The following WASL variants were observed in gnomAD, a reference collection of about 807,000 sequenced individuals.
WASL encodes WASP like actin nucleation promoting factor.
Under a neutral mutation model 55.5 loss-of-function variants are expected in WASL, and 20 were observed. The ratio of observed to expected loss-of-function variants is 0.36; its 90% CI spans 0.25 to 0.52. The LOEUF (loss-of-function observed/expected upper bound fraction) is 0.52. Among genes scored for constraint, WASL ranks in the 20% least tolerant of loss-of-function variants. WASL has a pLI of 0.92. For synonymous variants in WASL, 249 were observed against 217.6 expected (o/e 1.14, Z -1.27); for missense variants, 504 against 622.5 (o/e 0.81, Z 2.03).
intron 1 of WASL, among the ~76,000 whole-genome samples, chr7:123,734,232 A>G (rs570978856): frequency 6.6e-6 from 1 of 152,314 alleles, no homozygotes; most frequent in South Asian, 2.1e-4. Flanking sequence ...CATGTGAAAC[A>G]CACAGCTGAT....
chr7:123,695,024 T>A (rs1000204), intron 7 of WASL, among the ~76,000 whole-genome samples, 156 bp from the exon 8 acceptor site: 23 of 151,834 alleles, frequency 1.5e-4, no homozygotes, highest in African/African-American at 5.3e-4. Context: ...TAAAAAAAAC[T>A]GAACAGATAT....
chr7:123,726,349 CCTT>C (rs1804039039), intron 1 of WASL, among the ~76,000 whole-genome samples: 1 of 152,078 alleles, frequency 6.6e-6, no homozygotes, highest in Non-Finnish European at 1.5e-5. Context: ...TCTCATATGA[CCTT>C]TTTTGCACTT....
chr7:123,744,286 G>C (rs1804393930), intron 1 of WASL, among the ~76,000 whole-genome samples: 1 of 152,174 alleles, frequency 6.6e-6, no homozygotes. Context: ...ATGTGCATTA[G>C]AAACTGAAGG....
Position 123,684,234 on chromosome 7 carries a change from A to ATAGT in WASL, c.*281_*284dup, listed in dbSNP as rs1803249392. 6.0e-6 allele frequency: 1 copy of ATAGT among 165,838 alleles called. No individual in the cohort carries two copies. Among genetic ancestry groups the ATAGT allele is most frequent in the South Asian group, 2.0e-4 (1 of 4,998 alleles). 10.3% of individuals were successfully genotyped at this position (165,838 alleles called of 1,614,324 possible). ...ATTAAGGTTTTTGTCAGTCTCACATATAGTATTTAAACTCCCTTGTTGATG... is the reference window on the plus strand; with the variant it reads ...ATTAAGGTTTTTGTCAGTCTCACATATAGTTAGTATTTAAACTCCCTTGTTGATG... On this transcript the variant is annotated 3_prime_UTR_variant, in exon 11 of 11. Coordinates refer to ENST00000223023, the MANE Select transcript of WASL (RefSeq NM_003941.4).
At position 123,709,005 on chromosome 7, in the gene WASL, T is replaced by C. The variant is rs935096327; in HGVS notation, c.252+84A>G. 3.9e-6 allele frequency: 5 copies of C among 1,292,954 alleles called. No homozygotes were observed. In the African/African-American group the frequency reaches 7.6e-5, roughly 20 times the overall value. The allele number at this position is 1,292,954 out of a possible 1,614,324, so 80.1% of individuals were successfully genotyped here. A position where few individuals can be genotyped will look rare whatever the true frequency, so the allele number is the denominator to read the frequency against. Reference sequence around the variant, plus strand: ...TATGTATAAATTTAAATATCACATATAGGATAAACAAATCTAAACTAAATT... The same window carrying C: ...TATGTATAAATTTAAATATCACATACAGGATAAACAAATCTAAACTAAATT... On this transcript the variant is annotated intron_variant, in intron 2 of 10. Transcript: ENST00000223023.
chr7:123,717,491 G>T (rs1803865144), intron 1 of WASL, among the ~76,000 whole-genome samples: 1 of 152,122 alleles, frequency 6.6e-6, no homozygotes, highest in South Asian at 2.1e-4. Context: ...GTCCCTCTTG[G>T]ACCACATGAT....
rs1382524182 is a variant in WASL at position 123,684,517 on chromosome 7, G to A, written c.*2C>T. The A allele has an allele frequency of 1.2e-6, 1 of 812,038 alleles. No homozygotes were observed. The highest frequency in any genetic ancestry group is 2.3e-5 in the Admixed American group (1 of 44,180). The allele number at this position is 812,038 out of a possible 1,614,324, so 50.3% of individuals were successfully genotyped here. A position where few individuals can be genotyped will look rare whatever the true frequency, so the allele number is the denominator to read the frequency against. The stretch of plus-strand genomic sequence containing the variant: ...AATATATATATATATATAATATATA[G>A]ATCAGTCTTCCCACTCATCATCATC... On this transcript the variant is annotated 3_prime_UTR_variant, in exon 11 of 11. Coordinates refer to ENST00000223023, the MANE Select transcript of WASL (RefSeq NM_003941.4).
At chr7:123,715,093 A>G (rs933489667) in intron 1 of WASL, among the ~76,000 whole-genome samples, 1 of 152,230 alleles carries the variant, frequency 6.6e-6, no homozygotes, top group Non-Finnish European at 1.5e-5. Context: ...AGCCACATAC[A>G]GTTTGGAAAC....
intron 9 of WASL, among the ~76,000 whole-genome samples, chr7:123,690,187 T>C (rs1268942359): frequency 6.6e-6 from 1 of 152,148 alleles, no homozygotes; most frequent in Non-Finnish European, 1.5e-5. Context: ...CTTTAAGCAA[T>C]GTGATAATGT....
intron 5 of WASL, among the ~76,000 whole-genome samples, chr7:123,701,955 A>C (rs983902341): frequency 1.3e-5 from 2 of 150,292 alleles, no homozygotes; most frequent in South Asian, 4.2e-4. Context: ...TAAAAAAAAA[A>C]CCCTCCATTT....
intron 5 of WASL, among the ~76,000 whole-genome samples, chr7:123,702,213 G>A (rs976705088): frequency 6.6e-6 from 1 of 151,962 alleles, no homozygotes; most frequent in African/African-American, 2.4e-5. Flanking sequence ...GCGCCACCAT[G>A]CCCAGCTAAT....
chr7:123,739,896 GTGTGTGTGTGTGTGTGTGTATA>G (rs1055578225), intron 1 of WASL, among the ~76,000 whole-genome samples: 7 of 54,976 alleles, frequency 1.3e-4, no homozygotes, highest in South Asian at 7.2e-4. Flanking sequence ...GTGTGTGTGT[GTGTGTGTGTGTGTGTGTGTATA>G]TATATATATA....
At chr7:123,696,425 A>C (rs1347506002) in intron 6 of WASL, among the ~76,000 whole-genome samples, 154 bp downstream of exon 6, 2 of 151,874 alleles carry the variant, frequency 1.3e-5, no homozygotes, top group African/African-American at 4.8e-5. Flanking sequence ...AAAAAAAAAA[A>C]AACTCCAATA....
chr7:123,687,612 T>C (rs1396938131), intron 10 of WASL, among the ~76,000 whole-genome samples: 1 of 152,184 alleles, frequency 6.6e-6, no homozygotes, highest in East Asian at 1.9e-4. Context: ...CTCTCAACAG[T>C]CTGCCCCCTA....
intron 5 of WASL, among the ~76,000 whole-genome samples, chr7:123,698,389 T>C (rs1275773988): frequency 1.3e-5 from 2 of 151,654 alleles, no homozygotes; most frequent in Non-Finnish European, 2.9e-5. Context: ...GTAAATTGTA[T>C]ATACCCTATT....
At chr7:123,740,705 C>A (rs568282316) in intron 1 of WASL, among the ~76,000 whole-genome samples, 34 of 152,232 alleles carry the variant, frequency 2.2e-4, no homozygotes, top group African/African-American at 5.5e-4. Context: ...AAGTGAACCT[C>A]CTGCCTCAGC....
chr7:123,740,996 C>T (rs1804332399), intron 1 of WASL, among the ~76,000 whole-genome samples: 1 of 152,112 alleles, frequency 6.6e-6, no homozygotes, highest in Non-Finnish European at 1.5e-5. Flanking sequence ...ACTTGGATTT[C>T]CTCCCACATC....
chr7:123,694,199 A>G (rs1803457260), intron 8 of WASL, among the ~76,000 whole-genome samples: 1 of 152,192 alleles, frequency 6.6e-6, no homozygotes, highest in African/African-American at 2.4e-5. Flanking sequence ...ATTAAGACAA[A>G]ACTGAAATAC....
intron 1 of WASL, among the ~76,000 whole-genome samples, chr7:123,748,370 G>A (rs1329756296): frequency 6.6e-6 from 1 of 151,962 alleles, no homozygotes; most frequent in Non-Finnish European, 1.5e-5. Context: ...CGGCCAGGCT[G>A]GAGGACAGGC....
Sources: gnomAD v4.1 joint callset for allele counts (sites outside exome capture counted in the v4.1 genomes callset) on GRCh38, gnomAD v4.1.1 for gene constraint, MANE v1.5 for transcripts, NCBI Gene and HGNC (gene_info 2026-07-23, HGNC 2026-07-21) for gene names.